Variants in PIP5K1B observed in about 807,000 individuals in gnomAD.
The protein encoded by PIP5K1B is phosphatidylinositol 4-phosphate 5-kinase type-1 beta.
A neutral mutation model predicts 67.0 loss-of-function variants in PIP5K1B; 42 were observed. The ratio of observed to expected loss-of-function variants is 0.63; its 90% confidence interval spans 0.49 to 0.81. PIP5K1B has a LOEUF of 0.81. Among genes scored for constraint, PIP5K1B ranks in the 30% least tolerant of loss-of-function variants. The pLI is 0.00. For synonymous variants in PIP5K1B, 214 were observed against 231.4 expected (o/e 0.92, Z 0.68); for missense variants, 459 against 646.3 (o/e 0.71, Z 3.14).
At chr9:68,973,173 C>T (rs375328512) in intron 14 of PIP5K1B, among the ~76,000 whole-genome samples, 51 of 152,284 alleles carry the variant, frequency 3.3e-4, no homozygotes, top group African/African-American at 1.0e-3. Flanking sequence ...CCCGCAACAG[C>T]TCAGACGTAA....
rs959596358 is a variant in PIP5K1B, at chr9:68,876,746, A to G, written c.270A>G (p.Ala90=). The G allele has an allele frequency of 6.2e-7, 1 of 1,610,182 alleles. No homozygotes were observed. The highest frequency in any genetic ancestry group is 8.5e-7 in the Non-Finnish European group (1 of 1,176,404). ...DFRFKTYAPL[A]FRYFRELFGI... is the part of the protein sequence containing the mutation. ...GATTTAAGACATACGCTCCATTAGC[A>G]TTCCGATATTTCAGAGAACTTTTTG... Residue 90 remains alanine, a synonymous_variant, in exon 6 of 16, where the codon GCA becomes GCG. Coordinates refer to ENST00000265382, the MANE Select transcript of PIP5K1B (RefSeq NM_003558.4).
chr9:68,960,554 C>G lies in PIP5K1B; in HGVS notation c.1502+19764C>G, dbSNP rs547811421. Among the ~76,000 whole-genome samples the G allele has an allele frequency of 2.6e-5, 4 of 152,070 alleles. No homozygotes were observed. The South Asian group carries it at 8.3e-4, about 32-fold the overall frequency. On this transcript the variant is annotated intron_variant, in intron 14 of 15. Coordinates refer to ENST00000265382, the MANE Select transcript of PIP5K1B (RefSeq NM_003558.4). Reference sequence around the variant, plus strand: ...TTGAAGCCGCTAGACTAGTCTTCTACGTTTCTGTTGTTTTTTCTCTGTCTC... The same window carrying G: ...TTGAAGCCGCTAGACTAGTCTTCTAGGTTTCTGTTGTTTTTTCTCTGTCTC...
At chr9:68,829,961 G>A (rs775939780) in intron 4 of PIP5K1B, among the ~76,000 whole-genome samples, 3 of 152,102 alleles carry the variant, frequency 2.0e-5, no homozygotes, top group East Asian at 3.9e-4. Flanking sequence ...GTCTCCTGGG[G>A]GTAGCTGCAG....
chr9:69,006,331 T>C (rs1831074392), intron 15 of PIP5K1B, among the ~76,000 whole-genome samples: 1 of 152,162 alleles, frequency 6.6e-6, no homozygotes, highest in Non-Finnish European at 1.5e-5. Context: ...GCTTGCGTCA[T>C]GTACACATGA....
intron 6 of PIP5K1B, 122 bp downstream of exon 6, chr9:68,876,916 TC>T: frequency 1.7e-6 from 1 of 600,444 alleles, no homozygotes; most frequent in South Asian, 2.3e-5. Context: ...TAGTAAAAGT[TC>T]CAAGTTTTAT....
chr9:68,963,227 T>C, intron 14 of PIP5K1B: 1 of 456,198 alleles, frequency 2.2e-6, no homozygotes, highest in Admixed American at 2.3e-5. Flanking sequence ...CAAGCAGTCC[T>C]GTGTGTGGCT....
At chr9:68,763,519 G>T (rs1299563295) in intron 2 of PIP5K1B, among the ~76,000 whole-genome samples, 1 of 152,084 alleles carries the variant, frequency 6.6e-6, no homozygotes, top group African/African-American at 2.4e-5. Context: ...ATTACATGAG[G>T]TTGAAAAATT....
At chr9:68,864,084 G>A (rs1231403141) in intron 5 of PIP5K1B, 117 bp downstream of exon 5, 1 of 917,176 alleles carries the variant, frequency 1.1e-6, no homozygotes, top group Non-Finnish European at 1.6e-6. Flanking sequence ...TGAATATTGG[G>A]CCTTTGGCAG....
At position 68,991,533 on chromosome 9, in the gene PIP5K1B, T is replaced by C. The variant is rs114071702; in HGVS notation, c.1620+276T>C. On this transcript the variant is annotated intron_variant, in intron 15 of 15. Transcript: ENST00000265382. ...GGCAAAGTAGGGCTCCTTAGTGTTA[T>C]TCCCAGCGAGGAAATGTTTCCCTTT... 7.2e-3 allele frequency among the ~76,000 whole-genome samples: 1,098 copies of C among 152,340 alleles called. 17 individuals are homozygous for C. Among genetic ancestry groups the C allele is most frequent in the African/African-American group, 0.025 (1,050 of 41,572 alleles).
chr9:68,819,165 C>G (rs1833603691), intron 3 of PIP5K1B, among the ~76,000 whole-genome samples: 1 of 152,208 alleles, frequency 6.6e-6, no homozygotes, highest in Non-Finnish European at 1.5e-5. Context: ...TGCATCACCC[C>G]AAAAGGAAAC....
Position 68,863,953 on chromosome 9 carries a change from T to C in PIP5K1B, c.186T>C (p.Ser62=). Residue 62 remains serine (S), a synonymous_variant, in exon 5 of 16, where the codon AGT becomes AGC. Coordinates refer to ENST00000265382, the MANE Select transcript of PIP5K1B (RefSeq NM_003558.4). ...TGCAAGACTTTTATGTGGTGGAAAGTGTGTTCCTACCCAGGTAAGAACATT... is the reference window on the plus strand; with the variant it reads ...TGCAAGACTTTTATGTGGTGGAAAGCGTGTTCCTACCCAGGTAAGAACATT... The part of the protein sequence containing the change: ...VLMQDFYVVE[S]VFLPSEGSNL... The C allele has an allele frequency of 6.2e-7, 1 of 1,613,800 alleles. No homozygotes were observed. Among genetic ancestry groups the C allele is most frequent in the Non-Finnish European group, 8.5e-7 (1 of 1,179,760 alleles).
intron 14 of PIP5K1B, among the ~76,000 whole-genome samples, chr9:68,987,532 A>G (rs1233091461): frequency 6.6e-6 from 1 of 152,226 alleles, no homozygotes; most frequent in Non-Finnish European, 1.5e-5. Context: ...ATTGCACTCT[A>G]GCCTGGGCAA....
At chr9:68,800,834 G>T (rs1042264365) in intron 2 of PIP5K1B, among the ~76,000 whole-genome samples, 1 of 152,136 alleles carries the variant, frequency 6.6e-6, no homozygotes, top group Non-Finnish European at 1.5e-5. Flanking sequence ...GGTCATATTT[G>T]GGTACCCTTG....
At chr9:68,744,434 A>G (rs937794301) in intron 2 of PIP5K1B, among the ~76,000 whole-genome samples, 2 of 152,218 alleles carry the variant, frequency 1.3e-5, no homozygotes, top group Admixed American at 6.5e-5. Context: ...GATTCCTCAT[A>G]TATAATAAAA....
intron 2 of PIP5K1B, among the ~76,000 whole-genome samples, chr9:68,803,039 T>C (rs1832687154): frequency 6.6e-6 from 1 of 152,100 alleles, no homozygotes. Flanking sequence ...TAAGGGAAAA[T>C]GCAGAGAAAG....
At chr9:68,890,263 C>T (rs947147358) in intron 7 of PIP5K1B, among the ~76,000 whole-genome samples, 3 of 152,174 alleles carry the variant, frequency 2.0e-5, no homozygotes, top group African/African-American at 4.8e-5. Flanking sequence ...TTAGCCTAGA[C>T]GGATTTACTA....
intron 4 of PIP5K1B, among the ~76,000 whole-genome samples, chr9:68,849,684 C>T (rs1240579722): frequency 1.3e-5 from 2 of 152,134 alleles, no homozygotes; most frequent in East Asian, 1.9e-4. Context: ...ATCTGTAATG[C>T]GTGTATACAG....
intron 2 of PIP5K1B, among the ~76,000 whole-genome samples, chr9:68,743,935 G>A (rs561244244): frequency 4.4e-4 from 67 of 152,298 alleles, no homozygotes; most frequent in African/African-American, 1.3e-3. Context: ...CATCTAAGAA[G>A]AAGACTCATA....
rs1304098317 is a variant in PIP5K1B at position 68,739,491 on chromosome 9, A to G, written c.-242-3010A>G. Among the ~76,000 whole-genome samples the G allele has an allele frequency of 2.6e-5, 4 of 152,338 alleles. No individual in the cohort carries two copies. The East Asian group carries it at 7.7e-4, about 29-fold the overall frequency. ...ACAAGAGGCCACGTTAGCACATTAT[A>G]TTCTTTCCTTAAAACTTTAAAATAT... On this transcript the variant is annotated intron_variant, in intron 1 of 15. Transcript: ENST00000265382.
Sources: gnomAD v4.1 joint callset for allele counts (sites outside exome capture counted in the v4.1 genomes callset) on GRCh38, gnomAD v4.1.1 for gene constraint, MANE v1.5 for transcripts, NCBI Gene and HGNC (gene_info 2026-07-23, HGNC 2026-07-21) for gene names.